The following CXXC1 variants were observed in gnomAD, a reference collection of about 807,000 sequenced individuals.
CXXC1 encodes CXXC finger protein 1.
In CXXC1, 21 loss-of-function variants were observed where a neutral mutation model predicts 83.6. The observed-to-expected ratio is 0.25, with a 90% CI of 0.18 to 0.36. CXXC1 has a LOEUF of 0.36. Among genes scored for constraint, CXXC1 ranks in the 10% least tolerant of loss-of-function variants. The probability of loss-of-function intolerance (pLI) is 1.00; values close to 1 mark genes in which losing one functional copy is unlikely to be tolerated. For synonymous variants in CXXC1, 371 were observed against 337.5 expected, an observed-to-expected ratio of 1.10 and a Z score of -1.09; for missense variants, 688 against 919.5, an observed-to-expected ratio of 0.75 and a Z score of 3.26.
chr18:50,284,951 C>T, intron 7 of CXXC1, 51 bp downstream of exon 7: 1 of 1,613,026 alleles, frequency 6.2e-7, no homozygotes, highest in Non-Finnish European at 8.5e-7. Context: ...GGGATACTCT[C>T]TGCTTCTGTA....
intron 9 of CXXC1, 132 bp from the exon 10 acceptor site, chr18:50,284,233 G>A (rs2040675870): frequency 7.0e-7 from 1 of 1,430,394 alleles, no homozygotes; most frequent in Non-Finnish European, 9.5e-7. Flanking sequence ...CACACGGGCA[G>A]GTGGGTGGGT....
rs2040719378 is a variant in CXXC1 at position 50,286,645 on chromosome 18, G to A, written c.123-6C>T. On this transcript the variant is annotated splice_region_variant and splice_polypyrimidine_tract_variant and intron_variant, in intron 2 of 14. Coordinates refer to ENST00000285106, the MANE Select transcript of CXXC1 (RefSeq NM_014593.4). ...CATTGCAGTTGTCACACCCGCTGCA[G>A]AGGATGGGGCAGGCGATGGAGATGT... 6.2e-7 allele frequency: 1 copy of A among 1,613,812 alleles called. No individual in the cohort carries two copies.
chr18:50,282,421 G>C lies in CXXC1; in HGVS notation c.*172C>G. On this transcript the variant is annotated 3_prime_UTR_variant, in exon 15 of 15. Coordinates refer to ENST00000285106, the MANE Select transcript of CXXC1 (RefSeq NM_014593.4). This position sits in a 1 kb window ranked among gnomAD's most constrained non-coding sequence, Gnocchi z 5.8. ...ATGAGTGGACTCCGCAGCCCCACCA[G>C]GCACTGAACATGTCGACGGGGACAG... is the stretch of plus-strand genomic sequence containing the variant. 1.3e-6 allele frequency: 1 copy of C among 792,644 alleles called. No homozygotes were observed. 49.1% of individuals were successfully genotyped at this position (792,644 alleles called of 1,614,324 possible). A position where few individuals can be genotyped will look rare whatever the true frequency, so the allele number is the denominator to read the frequency against.
rs1463890658 is a variant in CXXC1 at position 50,284,115 on chromosome 18, A to G, written c.1206-14T>C. On this transcript the variant is annotated splice_polypyrimidine_tract_variant and intron_variant, in intron 9 of 14. Transcript: ENST00000285106. ...TCGTAGATGCGGCTGCAGGGAAGGT[A>G]GCAAGCAACAGAATGAGTGAGGTGA... 1.3e-6 allele frequency: 2 copies of G among 1,598,832 alleles called. No homozygotes were observed. The highest frequency in any genetic ancestry group is 1.7e-6 in the Non-Finnish European group (2 of 1,174,906).
At chr18:50,287,046 T>C in intron 1 of CXXC1, 188 bp from the exon 2 acceptor site, 1 of 587,192 alleles carries the variant, frequency 1.7e-6, no homozygotes, top group East Asian at 2.9e-5. Flanking sequence ...CCTATTACTC[T>C]GCTCCATACT....
chr18:50,287,165 T>G (rs2040727940), intron 1 of CXXC1: 1 of 513,418 alleles, frequency 1.9e-6, no homozygotes, highest in Non-Finnish European at 3.5e-6. Flanking sequence ...CACTGCGGAC[T>G]TCCCATCGCG....
Position 50,285,904 on chromosome 18 carries a change from TCTG to T in CXXC1, c.481_483del (p.Gln161del), listed in dbSNP as rs527645784. ...CCACACATGCGGGCTGACCGTTTGATCTGCTGCTGCTGCTGCTGGTGATGCTGC... is the reference window on the plus strand; with the variant it reads ...CCACACATGCGGGCTGACCGTTTGATCTGCTGCTGCTGCTGGTGATGCTGC... On this transcript the variant is annotated inframe_deletion, in exon 5 of 15. Transcript: ENST00000285106. This position sits in a 1 kb window ranked among gnomAD's most constrained non-coding sequence, Gnocchi z 4.4. 223 of 1,571,030 alleles carry T rather than the reference TCTG, an allele frequency of 1.4e-4. 1 individual carries two copies. The African/African-American group carries it at 1.7e-3, about 12-fold the overall frequency.
At chr18:50,283,444 G>C in intron 12 of CXXC1, 71 bp downstream of exon 12, 1 of 1,606,272 alleles carries the variant, frequency 6.2e-7, no homozygotes, top group South Asian at 1.1e-5. Flanking sequence ...TCCTGCCCCA[G>C]CTCCACACAC....
chr18:50,284,252 G>A (rs1329906987), intron 9 of CXXC1, 126 bp downstream of exon 9: 2 of 1,459,730 alleles, frequency 1.4e-6, no homozygotes, highest in African/African-American at 1.4e-5. Context: ...GTAGGTGGAT[G>A]GGTGAGTGGG....
chr18:50,284,212 G>C (rs888725815), intron 9 of CXXC1, 111 bp from the exon 10 acceptor site: 1 of 1,448,908 alleles, frequency 6.9e-7, no homozygotes, highest in Non-Finnish European at 9.4e-7. Context: ...GCGGAATGGT[G>C]GCTGGATGGA....
Position 50,285,509 on chromosome 18 carries a change from T to C in CXXC1, c.640-158A>G, listed in dbSNP as rs2040699635. 3.0e-6 allele frequency: 3 copies of C among 1,013,844 alleles called. No individual in the cohort carries two copies. The highest frequency in any genetic ancestry group is 4.3e-6 in the Non-Finnish European group (3 of 700,812). 62.8% of individuals were successfully genotyped at this position (1,013,844 alleles called of 1,614,324 possible). A position where few individuals can be genotyped will look rare whatever the true frequency, so the allele number is the denominator to read the frequency against. On this transcript the variant is annotated intron_variant, in intron 5 of 14. Transcript: ENST00000285106. This position sits in a 1 kb window ranked among gnomAD's most constrained non-coding sequence, Gnocchi z 4.4. ...CAGCCCTGCCTGATCTGTACCAACA[T>C]GCATGACCACCTGAAAACACCTGGC... is the stretch of plus-strand genomic sequence containing the variant.
rs1388414143 is a variant in CXXC1, at chr18:50,282,941, G to A, written c.1737C>T (p.Phe579=). 3 of 1,614,074 alleles carry A rather than the reference G, an allele frequency of 1.9e-6. No homozygotes were observed. The highest frequency in any genetic ancestry group is 2.5e-6 in the Non-Finnish European group (3 of 1,180,044). The part of the protein sequence containing the change: ...VRDVFELTGD[F]CRLPKRQCNR... ...TGCACTGGCGCTTGGGCAGGCGGCA[G>A]AAGTCACCCGTGAGCTCAAAGACAT... Residue 579 remains phenylalanine (F), a synonymous_variant, in exon 14 of 15, where the codon TTC becomes TTT. Coordinates refer to ENST00000285106, the MANE Select transcript of CXXC1 (RefSeq NM_014593.4). This position sits in a 1 kb window ranked among gnomAD's most constrained non-coding sequence, Gnocchi z 5.8.
In CXXC1 at chr18:50,286,933, G is replaced by A. The variant is rs1489574226; in HGVS notation, c.4-75C>T. 5.8e-6 allele frequency: 6 copies of A among 1,039,632 alleles called. No individual in the cohort carries two copies. In the African/African-American group the frequency reaches 6.5e-5, roughly 11 times the overall value. The allele number at this position is 1,039,632 out of a possible 1,614,324, so 64.4% of individuals were successfully genotyped here. On this transcript the variant is annotated intron_variant, in intron 1 of 14. Coordinates refer to ENST00000285106, the MANE Select transcript of CXXC1 (RefSeq NM_014593.4). ...CTCATCCCCCCATTACAACTCCACC[G>A]TGGTCAGCAGGGATCCCCACTCTGC...
rs375079865 is a variant in CXXC1, at chr18:50,283,658, C to G, written c.1524+47G>C. ...GACAACAAATCTGTCCCCCACTGGC[C>G]CACTGATGTTCCCACATGGTCCGCC... is the stretch of plus-strand genomic sequence containing the variant. On this transcript the variant is annotated intron_variant, in intron 11 of 14. Coordinates refer to ENST00000285106, the MANE Select transcript of CXXC1 (RefSeq NM_014593.4). 101 of 1,608,580 alleles carry G rather than the reference C, an allele frequency of 6.3e-5. No homozygotes were observed. In the Middle Eastern group the frequency reaches 8.3e-4, roughly 13 times the overall value.
In CXXC1 at chr18:50,283,550, C is replaced by T. The variant is rs773144521; in HGVS notation, c.1539G>A (p.Thr513=). ...ERCYAKYESQ[T]SFGSMYPTRI... is the part of the protein sequence containing the mutation. ...GTGTGGGGTACATGGACCCAAAGGA[C>T]GTCTGGCTCTCATACTGGAGGGATG... The change falls in exon 12 of 15, where the codon ACG becomes ACA. Residue 513 remains threonine, a synonymous_variant. Transcript: ENST00000285106. 3 of 1,613,990 alleles carry T rather than the reference C, an allele frequency of 1.9e-6. No individual in the cohort carries two copies. Among genetic ancestry groups the T allele is most frequent in the Non-Finnish European group, 1.7e-6 (2 of 1,179,978 alleles).
chr18:50,287,186 C>T, intron 1 of CXXC1: 1 of 519,550 alleles, frequency 1.9e-6, no homozygotes, highest in South Asian at 2.3e-5. Context: ...GTTCTCCACG[C>T]ACCCCTCCCT....
Sources: gnomAD v4.1 joint callset for allele counts on GRCh38, gnomAD v4.1.1 for gene constraint, Gnocchi (gnomAD v3.1) non-coding constraint, MANE v1.5 for transcripts, NCBI Gene and HGNC (gene_info 2026-07-23, HGNC 2026-07-21) for gene names.